Variants in CACNA1E observed in about 807,000 individuals in gnomAD.
CACNA1E encodes the protein calcium voltage-gated channel subunit alpha1 E, also known as voltage-dependent R-type calcium channel subunit alpha-1E.
In CACNA1E, 40 loss-of-function variants were observed where a neutral mutation model predicts 259.2. That is an observed-to-expected ratio of 0.15 (90% CI 0.12 to 0.20). The LOEUF (loss-of-function observed/expected upper bound fraction) is 0.20, where lower values mean the gene tolerates loss of function less well. CACNA1E is among the 10% of genes least tolerant of loss of function. The pLI is 1.00. For missense variants in CACNA1E, 1,874 were observed against 3,040.1 expected (o/e 0.62, Z 9.02); for synonymous variants, 1,104 against 1,138.5 (o/e 0.97, Z 0.61).
intron 1 of CACNA1E, among the ~76,000 whole-genome samples, chr1:181,381,785 T>A (rs1655475475): frequency 6.6e-6 from 1 of 152,158 alleles, no homozygotes; most frequent in African/African-American, 2.4e-5. Context: ...AAACTAGAAG[T>A]GTGGTGGTCG....
At chr1:181,587,676 G>A (rs963605571) in intron 6 of CACNA1E, among the ~76,000 whole-genome samples, 2 of 152,136 alleles carry the variant, frequency 1.3e-5, no homozygotes, top group Non-Finnish European at 2.9e-5. Flanking sequence ...TAGGTCAGGA[G>A]ATCGAGACCA....
At chr1:181,768,552 A>C (rs1316863093) in intron 35 of CACNA1E, among the ~76,000 whole-genome samples, 1 of 152,214 alleles carries the variant, frequency 6.6e-6, no homozygotes, top group Non-Finnish European at 1.5e-5. Context: ...ACTGTGTCTC[A>C]TCCCACCAGA....
At chr1:181,520,664 A>C (rs960130742) in intron 3 of CACNA1E, among the ~76,000 whole-genome samples, 2 of 152,206 alleles carry the variant, frequency 1.3e-5, no homozygotes, top group African/African-American at 4.8e-5. Flanking sequence ...CGCACATAGG[A>C]TGTATCTTAT....
intron 2 of CACNA1E, among the ~76,000 whole-genome samples, chr1:181,436,828 G>A (rs181156494): frequency 1.0e-3 from 154 of 152,228 alleles, no homozygotes; most frequent in African/African-American, 3.3e-3. Flanking sequence ...AGCAGATTGC[G>A]TATTTCAAAA....
At chr1:181,431,306 A>G (rs1235576355) in intron 2 of CACNA1E, among the ~76,000 whole-genome samples, 2 of 152,200 alleles carry the variant, frequency 1.3e-5, no homozygotes, top group African/African-American at 2.4e-5. Flanking sequence ...TTTGATGGCA[A>G]CATATACTGA....
Position 181,733,553 on chromosome 1 carries a change from C to T in CACNA1E, c.3065C>T (p.Thr1022Met), listed in dbSNP as rs74127835. Reference protein sequence around the residue: ...ELEVGKHVVLTEQEPEGSSEQ... With the variant: ...ELEVGKHVVLMEQEPEGSSEQ... ...GAAGTGGGGAAGCACGTGGTGCTGA[C>T]GGAGCAGGAGCCAGAAGGCAGCAGT... Residue 1022 changes from threonine (T) to methionine (M), a missense_variant, in exon 21 of 48, where the codon ACG (threonine) becomes ATG (methionine). Thr to Met is a moderately conservative substitution (Grantham distance 81, BLOSUM62 -1). Coordinates refer to ENST00000367573, the MANE Select transcript of CACNA1E (RefSeq NM_001205293.3). 1.8e-3 allele frequency: 2,926 copies of T among 1,612,628 alleles called. 16 individuals carry two copies. The highest frequency in any genetic ancestry group is 0.017 in the African/African-American group (1,294 of 75,006).
intron 7 of CACNA1E, among the ~76,000 whole-genome samples, chr1:181,677,014 G>T (rs1443068869): frequency 1.3e-5 from 2 of 152,050 alleles, no homozygotes; most frequent in Non-Finnish European, 2.9e-5. Flanking sequence ...AACTGGCTGT[G>T]CTCCTCTCAG....
At chr1:181,696,154 G>T (rs533027466) in intron 7 of CACNA1E, among the ~76,000 whole-genome samples, 1 of 151,022 alleles carries the variant, frequency 6.6e-6, no homozygotes, top group South Asian at 2.1e-4. Flanking sequence ...ATCAAAAGAT[G>T]CCATTAAGAA....
At chr1:181,463,751 G>T (rs756602034) in intron 2 of CACNA1E, among the ~76,000 whole-genome samples, 1 of 151,872 alleles carries the variant, frequency 6.6e-6, no homozygotes, top group Non-Finnish European at 1.5e-5. Context: ...CACATGACTT[G>T]TCTTTTTCAC....
At chr1:181,700,157 A>C (rs1652094973) in intron 7 of CACNA1E, among the ~76,000 whole-genome samples, 1 of 152,138 alleles carries the variant, frequency 6.6e-6, no homozygotes, top group African/African-American at 2.4e-5. Context: ...ATTGAGAAGA[A>C]TCAAACAAAA....
intron 21 of CACNA1E, among the ~76,000 whole-genome samples, chr1:181,735,688 C>T (rs1263078031): frequency 6.6e-6 from 1 of 152,316 alleles, no homozygotes; most frequent in East Asian, 1.9e-4. Flanking sequence ...CCGAGAAAAG[C>T]ACAGCCAGAA....
At chr1:181,764,937 G>A (rs1658896931) in intron 34 of CACNA1E, among the ~76,000 whole-genome samples, 1 of 152,158 alleles carries the variant, frequency 6.6e-6, no homozygotes, top group South Asian at 2.1e-4. Context: ...TGGCCAAATG[G>A]TTGGCTTATT....
chr1:181,470,981 G>A (rs1353942622), intron 2 of CACNA1E, among the ~76,000 whole-genome samples: 1 of 152,188 alleles, frequency 6.6e-6, no homozygotes, highest in Admixed American at 6.5e-5. Flanking sequence ...ATTTCTCACA[G>A]TTACGGAGCC....
intron 1 of CACNA1E, among the ~76,000 whole-genome samples, chr1:181,500,449 G>T (rs1176562286): frequency 1.3e-5 from 2 of 152,164 alleles, no homozygotes; most frequent in Non-Finnish European, 2.9e-5. Flanking sequence ...CCAGAAATTT[G>T]CAAATGCTAC....
At chr1:181,553,127 C>T (rs1208660352) in intron 3 of CACNA1E, among the ~76,000 whole-genome samples, 1 of 152,186 alleles carries the variant, frequency 6.6e-6, no homozygotes, top group East Asian at 1.9e-4. Flanking sequence ...TCTTCCTATC[C>T]ATGAAGATGG....
intron 26 of CACNA1E, among the ~76,000 whole-genome samples, chr1:181,751,385 C>G (rs1657580280): frequency 6.6e-6 from 1 of 152,184 alleles, no homozygotes; most frequent in African/African-American, 2.4e-5. Context: ...TTTGGGCCTC[C>G]TCCAGTTGAG....
intron 2 of CACNA1E, among the ~76,000 whole-genome samples, chr1:181,510,816 C>G (rs1443334752): frequency 6.6e-6 from 1 of 152,150 alleles, no homozygotes. Context: ...CAGGCACAGG[C>G]CCATTTTCTT....
At chr1:181,665,181 A>G (rs1366031830) in intron 7 of CACNA1E, among the ~76,000 whole-genome samples, 1 of 151,768 alleles carries the variant, frequency 6.6e-6, no homozygotes. Context: ...ACACACACAC[A>G]TATACATCTA....
In CACNA1E at chr1:181,737,503, C is replaced by A. The variant is rs372450592; in HGVS notation, c.3423-22C>A. On this transcript the variant is annotated intron_variant, in intron 22 of 47. Coordinates refer to ENST00000367573, the MANE Select transcript of CACNA1E (RefSeq NM_001205293.3). The stretch of plus-strand genomic sequence containing the variant: ...GGGCGTGGTGGGGAGTGGGCCAGCT[C>A]AGCCATGCCCACTGCCCGCAGGATC... 7.0e-4 allele frequency: 1,135 copies of A among 1,612,782 alleles called. 16 individuals are homozygous for A. In the South Asian group the frequency reaches 0.011, roughly 16 times the overall value.
Sources: gnomAD v4.1 joint callset for allele counts (sites outside exome capture counted in the v4.1 genomes callset) on GRCh38, gnomAD v4.1.1 for gene constraint, MANE v1.5 for transcripts, NCBI Gene and HGNC (gene_info 2026-07-23, HGNC 2026-07-21) for gene names.